FBXL7: variants seen among roughly 807,000 people sequenced by gnomAD.
The protein encoded by FBXL7 is F-box/LRR-repeat protein 7.
Under a neutral mutation model 38.3 loss-of-function variants are expected in FBXL7, and 12 were observed. The observed-to-expected ratio is 0.31, with a 90% confidence interval of 0.20 to 0.51. The LOEUF (loss-of-function observed/expected upper bound fraction) is 0.51. FBXL7 is among the 20% of genes least tolerant of loss of function. The pLI, the probability that FBXL7 is intolerant of heterozygous loss-of-function variation, is 0.98. For missense variants in FBXL7, 567 were observed against 676.4 expected, an observed-to-expected ratio of 0.84 and a Z score of 1.79; for synonymous variants, 297 against 300.9, an observed-to-expected ratio of 0.99 and a Z score of 0.13.
intron 2 of FBXL7, among the ~76,000 whole-genome samples, chr5:15,634,047 C>T (rs1333743361): frequency 6.6e-6 from 1 of 151,924 alleles, no homozygotes; most frequent in African/African-American, 2.4e-5. Context: ...TCCCAAAGTG[C>T]TAGGATTACA....
At chr5:15,737,260 C>T (rs906564418) in intron 2 of FBXL7, among the ~76,000 whole-genome samples, 6 of 152,142 alleles carry the variant, frequency 3.9e-5, no homozygotes, top group Non-Finnish European at 8.8e-5. Context: ...TCCATGTGTG[C>T]CTCCCCTGTT....
At chr5:15,894,288 A>G (rs1741027293) in intron 2 of FBXL7, among the ~76,000 whole-genome samples, 1 of 152,214 alleles carries the variant, frequency 6.6e-6, no homozygotes, top group African/African-American at 2.4e-5. Flanking sequence ...AAACAAACAA[A>G]CAAACAAAAA....
intron 1 of FBXL7, among the ~76,000 whole-genome samples, chr5:15,536,284 G>T (rs79295633): frequency 0.011 from 1,710 of 152,356 alleles, 29 homozygotes; most frequent in African/African-American, 0.038. Context: ...CTGGGGTACT[G>T]TCTAATGGAG....
At chr5:15,685,305 C>A (rs911227903) in intron 2 of FBXL7, among the ~76,000 whole-genome samples, 2 of 152,092 alleles carry the variant, frequency 1.3e-5, no homozygotes, top group Non-Finnish European at 2.9e-5. Flanking sequence ...CTTGCAGATG[C>A]TTTTCGAATA....
intron 2 of FBXL7, among the ~76,000 whole-genome samples, chr5:15,838,528 A>G (rs1440629673): frequency 1.3e-5 from 2 of 152,242 alleles, no homozygotes; most frequent in East Asian, 1.9e-4. Context: ...CATTCAGTCT[A>G]TAGCACCACA....
intron 2 of FBXL7, among the ~76,000 whole-genome samples, chr5:15,906,016 T>C (rs1291299635): frequency 6.6e-6 from 1 of 152,056 alleles, no homozygotes; most frequent in African/African-American, 2.4e-5. Flanking sequence ...TGAGCCAGAA[T>C]CCACCATTCT....
At chr5:15,930,245 G>A (rs1435525466) in intron 3 of FBXL7, among the ~76,000 whole-genome samples, 1 of 152,150 alleles carries the variant, frequency 6.6e-6, no homozygotes, top group Non-Finnish European at 1.5e-5. Flanking sequence ...TTGTGATGTG[G>A]TGGAAACAAG....
At chr5:15,609,262 C>T (rs1339535728) in intron 1 of FBXL7, among the ~76,000 whole-genome samples, 1 of 152,228 alleles carries the variant, frequency 6.6e-6, no homozygotes, top group Non-Finnish European at 1.5e-5. Flanking sequence ...GCCTGCTTCT[C>T]ACACTTGATG....
intron 2 of FBXL7, among the ~76,000 whole-genome samples, chr5:15,673,158 G>T (rs1409310915): frequency 6.6e-6 from 1 of 151,816 alleles, no homozygotes; most frequent in Non-Finnish European, 1.5e-5. Flanking sequence ...TCCACTAAAA[G>T]TACAAAAATT....
intron 1 of FBXL7, among the ~76,000 whole-genome samples, chr5:15,527,963 G>A (rs981769243): frequency 2.6e-5 from 4 of 152,164 alleles, no homozygotes; most frequent in East Asian, 3.8e-4. Flanking sequence ...GAGAAAAGCC[G>A]TTCTCTTGAC....
At chr5:15,527,201 T>C in intron 1 of FBXL7, among the ~76,000 whole-genome samples, 1 of 152,244 alleles carries the variant, frequency 6.6e-6, no homozygotes, top group Non-Finnish European at 1.5e-5. Context: ...GTGAGATTCT[T>C]GTTAAGTAAG....
chr5:15,827,762 G>A (rs996771034), intron 2 of FBXL7, among the ~76,000 whole-genome samples: 1 of 152,166 alleles, frequency 6.6e-6, no homozygotes, highest in Admixed American at 6.5e-5. Context: ...CTGGGAAGAG[G>A]CAAACATTCA....
At chr5:15,594,357 A>G (rs1739560055) in intron 1 of FBXL7, among the ~76,000 whole-genome samples, 1 of 152,254 alleles carries the variant, frequency 6.6e-6, no homozygotes, top group Non-Finnish European at 1.5e-5. Flanking sequence ...TTAAAAGTGT[A>G]TCTGTTCTGA....
At chr5:15,861,074 A>G (rs6894588) in intron 2 of FBXL7, among the ~76,000 whole-genome samples, 8,064 of 152,242 alleles carry the variant, frequency 0.053, 690 homozygotes, top group African/African-American at 0.18. Flanking sequence ...ATTCTTTAAC[A>G]CTGCATGTTT....
At position 15,936,827 on chromosome 5, in the gene FBXL7, A is replaced by C; in HGVS notation, c.1117A>C (p.Lys373Gln). ...CGACGTGGGCATCCGCTACGTGGCC[A>C]AGTACTGCAGCAAGCTGCGCTACCT... ...VTDVGIRYVAKYCSKLRYLNA... is the reference protein window; with the variant it reads ...VTDVGIRYVAQYCSKLRYLNA... The change falls in exon 4 of 4, where the codon AAG becomes CAG. Residue 373 changes from lysine (K) to glutamine (Q), a missense_variant. Lys to Gln is a moderately conservative substitution (Grantham distance 53, BLOSUM62 1). Coordinates refer to ENST00000504595, the MANE Select transcript of FBXL7 (RefSeq NM_012304.5). The surrounding 1 kb of genome is among the most constrained non-coding windows in gnomAD (Gnocchi z 6.0). 1.2e-6 allele frequency: 2 copies of C among 1,613,548 alleles called. No individual in the cohort carries two copies. The highest frequency in any genetic ancestry group is 1.7e-6 in the Non-Finnish European group (2 of 1,179,724).
intron 2 of FBXL7, among the ~76,000 whole-genome samples, chr5:15,792,934 T>A (rs11959170): frequency 7.9e-4 from 120 of 152,160 alleles, no homozygotes; most frequent in African/African-American, 2.8e-3. Context: ...AAGGGAAGAA[T>A]CGAGGAGAGG....
chr5:15,580,591 A>G, intron 1 of FBXL7: 1 of 982,670 alleles, frequency 1.0e-6, no homozygotes, highest in Non-Finnish European at 1.2e-6. Flanking sequence ...ATCTTGCACT[A>G]TTTGACTCCT....
At chr5:15,686,780 T>G (rs1257405884) in intron 2 of FBXL7, among the ~76,000 whole-genome samples, 1 of 152,186 alleles carries the variant, frequency 6.6e-6, no homozygotes, top group Non-Finnish European at 1.5e-5. Flanking sequence ...AAATATAACT[T>G]TTTGGAAGGA....
At chr5:15,552,606 C>A (rs971565140) in intron 1 of FBXL7, among the ~76,000 whole-genome samples, 1 of 152,222 alleles carries the variant, frequency 6.6e-6, no homozygotes, top group Non-Finnish European at 1.5e-5. Flanking sequence ...TCCTCTGTAT[C>A]TGGCCTTCAG....
Sources: gnomAD v4.1 joint callset for allele counts (sites outside exome capture counted in the v4.1 genomes callset) on GRCh38, gnomAD v4.1.1 for gene constraint, Gnocchi (gnomAD v3.1) non-coding constraint, MANE v1.5 for transcripts, NCBI Gene and HGNC (gene_info 2026-07-23, HGNC 2026-07-21) for gene names.